The following ZFHX3 variants were observed in gnomAD, a reference collection of about 807,000 sequenced individuals.
The protein encoded by ZFHX3 is zinc finger homeobox protein 3.
In ZFHX3, 42 loss-of-function variants were observed where a neutral mutation model predicts 279.1. The ratio of observed to expected loss-of-function variants is 0.15; its 90% CI spans 0.12 to 0.19. The LOEUF is 0.19. Among genes scored for constraint, ZFHX3 ranks in the 10% least tolerant of loss-of-function variants. ZFHX3 has a pLI of 1.00. For synonymous variants in ZFHX3, 2,293 were observed against 1,957.8 expected, an observed-to-expected ratio of 1.17 and a Z score of -4.52; for missense variants, 4,981 against 4,754.0, an observed-to-expected ratio of 1.05 and a Z score of -1.40.
chr16:72,990,263 C>T (rs528451899), intron 1 of ZFHX3, among the ~76,000 whole-genome samples: 36 of 152,310 alleles, frequency 2.4e-4, no homozygotes, highest in East Asian at 5.8e-4. Flanking sequence ...TAAGACGACA[C>T]GGCGTTCTCC....
At position 72,796,647 on chromosome 16, in the gene ZFHX3, A is replaced by C; in HGVS notation, c.6035T>G (p.Phe2012Cys). ...QEHVHQNYFP[F>C]KQLERFAKQY... Reference sequence around the variant, plus strand: ...TTTGGCAAACCTCTCGAGCTGTTTGAAAGGAAAGTAATTCTGATGAACGTG... The same window carrying C: ...TTTGGCAAACCTCTCGAGCTGTTTGCAAGGAAAGTAATTCTGATGAACGTG... The change falls in exon 9 of 10, where the codon TTC becomes TGC. Residue 2012 changes from phenylalanine (F) to cysteine (C), a missense_variant. Physicochemically the swap from Phe to Cys is radical, Grantham distance 205 (BLOSUM62 -2). Coordinates refer to ENST00000268489, the MANE Select transcript of ZFHX3 (RefSeq NM_006885.4). 1 of 1,614,034 alleles carries C rather than the reference A, an allele frequency of 6.2e-7. No homozygotes were observed. Among genetic ancestry groups the C allele is most frequent in the Non-Finnish European group, 8.5e-7 (1 of 1,180,010 alleles).
chr16:73,151,541 T>C (rs972700584), intron 5 of ZFHX3, among the ~76,000 whole-genome samples: 1 of 149,052 alleles, frequency 6.7e-6, no homozygotes. Context: ...TGGGAAAGAA[T>C]GTCGTGATTG....
At chr16:73,754,639 G>A (rs1452241882) in intron 1 of ZFHX3, among the ~76,000 whole-genome samples, 1 of 152,150 alleles carries the variant, frequency 6.6e-6, no homozygotes, top group African/African-American at 2.4e-5. Context: ...CTCACAAGAG[G>A]CTACTTTGTT....
chr16:72,797,383 T>A lies in ZFHX3; in HGVS notation c.5299A>T (p.Ile1767Phe), dbSNP rs771932042. The A allele has an allele frequency of 3.5e-5, 56 of 1,606,110 alleles. No individual in the cohort carries two copies. The Admixed American group carries it at 9.4e-4, about 27-fold the overall frequency. The change falls in exon 9 of 10, where the codon ATC becomes TTC. Residue 1767 changes from isoleucine to phenylalanine, a missense_variant. Coordinates refer to ENST00000268489, the MANE Select transcript of ZFHX3 (RefSeq NM_006885.4). ...QQELQQQAAL[I>F]QSQLFNPTLL... ...GTGGGGTTAAACAGCTGAGACTGGA[T>A]CAGGGCAGCCTGTTGCTGCAGCTCC...
intron 1 of ZFHX3, among the ~76,000 whole-genome samples, chr16:73,743,442 G>A (rs1410283370): frequency 6.6e-6 from 1 of 152,166 alleles, no homozygotes; most frequent in Non-Finnish European, 1.5e-5. Flanking sequence ...CAAAGGATAT[G>A]AGCATTTTCA....
chr16:73,867,821 C>T (rs1962066727), intron 1 of ZFHX3, among the ~76,000 whole-genome samples: 2 of 152,184 alleles, frequency 1.3e-5, no homozygotes, highest in Admixed American at 1.3e-4. Flanking sequence ...TGAGAATTGG[C>T]AGCGTTCTGA....
intron 1 of ZFHX3, among the ~76,000 whole-genome samples, chr16:73,021,831 A>C (rs1826459537): frequency 2.6e-4 from 1 of 3,774 alleles, no homozygotes; most frequent in African/African-American, 1.2e-3. Context: ...ACTCCATCTC[A>C]AAAAAAAAAA....
chr16:73,729,778 CT>C (rs2053553394), intron 1 of ZFHX3, among the ~76,000 whole-genome samples: 1 of 152,120 alleles, frequency 6.6e-6, no homozygotes, highest in African/African-American at 2.4e-5. Flanking sequence ...GGGTGGTCTC[CT>C]TTGTCACAGG....
At chr16:73,137,332 A>T (rs1440575939) in intron 6 of ZFHX3, 1 of 152,074 alleles carries the variant, frequency 6.6e-6, no homozygotes, top group African/African-American at 2.4e-5. Flanking sequence ...GGGACTGTAA[A>T]CCCACCGCAG....
chr16:72,923,150 G>C (rs1395296656), intron 3 of ZFHX3, among the ~76,000 whole-genome samples: 1 of 152,188 alleles, frequency 6.6e-6, no homozygotes, highest in African/African-American at 2.4e-5. Context: ...TAGAAGATAT[G>C]AACATAGGGC....
intron 2 of ZFHX3, chr16:73,483,355 G>C: frequency 2.2e-6 from 1 of 450,790 alleles, no homozygotes; most frequent in Non-Finnish European, 4.5e-6. Context: ...GAGAGAAAGA[G>C]AGAGAGAGAG....
chr16:73,383,453 G>T (rs1233568548), intron 3 of ZFHX3, among the ~76,000 whole-genome samples: 1 of 152,182 alleles, frequency 6.6e-6, no homozygotes, highest in African/African-American at 2.4e-5. Flanking sequence ...AAAACATCCT[G>T]GACAGGAGGG....
intron 5 of ZFHX3, among the ~76,000 whole-genome samples, chr16:73,251,778 C>T (rs2013500105): frequency 6.9e-6 from 1 of 144,988 alleles, no homozygotes; most frequent in East Asian, 2.1e-4. Flanking sequence ...ACCATGCACA[C>T]AAACGCACAC....
intron 1 of ZFHX3, among the ~76,000 whole-genome samples, chr16:73,887,571 A>T (rs1254831600): frequency 6.6e-6 from 1 of 152,214 alleles, no homozygotes; most frequent in Non-Finnish European, 1.5e-5. Context: ...AACAAAAAAA[A>T]GCAGGCTCTT....
intron 5 of ZFHX3, among the ~76,000 whole-genome samples, chr16:73,155,824 A>AAAAC (rs78841817): frequency 0.5 from 75,305 of 150,758 alleles, 20,071 homozygotes; most frequent in African/African-American, 0.69. Context: ...ACTCTGCCTC[A>AAAAC]AAACAAACAA....
Position 72,870,517 on chromosome 16 carries a change from G to A in ZFHX3, c.3448+19214C>T, listed in dbSNP as rs1380305321. 2.0e-5 allele frequency among the ~76,000 whole-genome samples: 3 copies of A among 152,044 alleles called. No individual in the cohort carries two copies. The East Asian group carries it at 5.8e-4, about 29-fold the overall frequency. On this transcript the variant is annotated intron_variant, in intron 4 of 9. Transcript: ENST00000268489. ...GGGGTCAGGAGATCGAGACCATCCT[G>A]GCTAACACAGTAAAACCCTGCCTCT...
At chr16:73,120,431 A>T (rs1208979311) in intron 7 of ZFHX3, among the ~76,000 whole-genome samples, 1 of 151,478 alleles carries the variant, frequency 6.6e-6, no homozygotes, top group African/African-American at 2.4e-5. Context: ...ATGCTCCATT[A>T]ATTTTTCATA....
chr16:73,507,107 G>A (rs931153300), intron 2 of ZFHX3, among the ~76,000 whole-genome samples: 1 of 152,132 alleles, frequency 6.6e-6, no homozygotes. Flanking sequence ...TCCAGTTTTA[G>A]CAAGGCTTTT....
chr16:72,859,540 G>T (rs1158564212), intron 4 of ZFHX3, among the ~76,000 whole-genome samples: 1 of 152,164 alleles, frequency 6.6e-6, no homozygotes, highest in Non-Finnish European at 1.5e-5. Flanking sequence ...CACTTATAAG[G>T]CCCCACTTTT....
Sources: gnomAD v4.1 joint callset for allele counts (sites outside exome capture counted in the v4.1 genomes callset) on GRCh38, gnomAD v4.1.1 for gene constraint, MANE v1.5 for transcripts, NCBI Gene and HGNC (gene_info 2026-07-23, HGNC 2026-07-21) for gene names.